The following MTUS1 variants were observed in gnomAD, a reference collection of about 807,000 sequenced individuals.
The protein encoded by MTUS1 is microtubule-associated tumor suppressor 1.
Under a neutral mutation model 120.8 loss-of-function variants are expected in MTUS1, and 109 were observed. The observed-to-expected ratio is 0.90, with a 90% CI of 0.77 to 1.06. The LOEUF is 1.06. MTUS1 is among the 50% of genes least tolerant of loss of function. The pLI is 0.00. For synonymous variants in MTUS1, 737 were observed against 550.5 expected (o/e 1.34, Z -4.74); for missense variants, 2,210 against 1,486.3 (o/e 1.49, Z -8.01).
At chr8:17,714,127 T>C (rs766374896) in intron 5 of MTUS1, among the ~76,000 whole-genome samples, 5 of 152,192 alleles carry the variant, frequency 3.3e-5, no homozygotes, top group Non-Finnish European at 7.3e-5. Context: ...TTTTCCAACC[T>C]GATGTCAACT....
At chr8:17,708,081 A>G (rs1820519653) in intron 6 of MTUS1, among the ~76,000 whole-genome samples, 1 of 152,258 alleles carries the variant, frequency 6.6e-6, no homozygotes, top group Admixed American at 6.5e-5. Flanking sequence ...CAAAAGCAGA[A>G]GCAACAAAAG....
At chr8:17,742,596 A>T (rs2047423309) in intron 3 of MTUS1, among the ~76,000 whole-genome samples, 1 of 151,528 alleles carries the variant, frequency 6.6e-6, no homozygotes, top group Non-Finnish European at 1.5e-5. Context: ...TGTGCTGCAA[A>T]CCCCTCTTCC....
intron 1 of MTUS1, among the ~76,000 whole-genome samples, chr8:17,798,837 C>A (rs2052461493): frequency 2.6e-5 from 4 of 152,090 alleles, no homozygotes; most frequent in Admixed American, 2.0e-4. Context: ...TACTATCAAT[C>A]CATAAAAGGC....
At chr8:17,746,258 C>T (rs1345246462) in intron 2 of MTUS1, among the ~76,000 whole-genome samples, 2 of 152,174 alleles carry the variant, frequency 1.3e-5, no homozygotes, top group Non-Finnish European at 2.9e-5. Flanking sequence ...ACTGGTACAT[C>T]CAAATCCACA....
At chr8:17,791,166 T>C (rs1481612794) in intron 1 of MTUS1, among the ~76,000 whole-genome samples, 1 of 152,154 alleles carries the variant, frequency 6.6e-6, no homozygotes, top group Non-Finnish European at 1.5e-5. Flanking sequence ...ACAAAACATT[T>C]ATCCAAATAG....
At chr8:17,714,197 T>C (rs1360904113) in intron 5 of MTUS1, among the ~76,000 whole-genome samples, 1 of 152,202 alleles carries the variant, frequency 6.6e-6, no homozygotes, top group African/African-American at 2.4e-5. Flanking sequence ...AATGACAACC[T>C]GCTGCACACT....
At chr8:17,668,217 G>A (rs1018227962) in intron 8 of MTUS1, among the ~76,000 whole-genome samples, 1 of 152,214 alleles carries the variant, frequency 6.6e-6, no homozygotes, top group African/African-American at 2.4e-5. Context: ...TGAGATGTGT[G>A]AATTTTTTTC....
chr8:17,776,722 C>T (rs991048145), intron 1 of MTUS1, among the ~76,000 whole-genome samples: 1 of 143,266 alleles, frequency 7.0e-6, no homozygotes, highest in Non-Finnish European at 1.5e-5. Context: ...AGATACAAGG[C>T]TTACATAAAG....
chr8:17,765,029 G>C (rs1457367621), intron 1 of MTUS1, among the ~76,000 whole-genome samples: 1 of 152,278 alleles, frequency 6.6e-6, no homozygotes, highest in East Asian at 1.9e-4. Context: ...CCTGTAAGTA[G>C]ACAGTCCCAT....
At chr8:17,712,135 A>G (rs548898180) in intron 6 of MTUS1, among the ~76,000 whole-genome samples, 1 of 152,362 alleles carries the variant, frequency 6.6e-6, no homozygotes, top group South Asian at 2.1e-4. Flanking sequence ...TGCTGTTGGA[A>G]AAATGATGCT....
At chr8:17,740,609 T>G (rs547814430) in intron 3 of MTUS1, among the ~76,000 whole-genome samples, 19 of 152,340 alleles carry the variant, frequency 1.2e-4, no homozygotes, top group Middle Eastern at 3.4e-3. Context: ...AAAAAATTAG[T>G]TGCTATTAAT....
At chr8:17,655,639 A>C (rs965400652) in intron 9 of MTUS1, among the ~76,000 whole-genome samples, 1 of 152,074 alleles carries the variant, frequency 6.6e-6, no homozygotes, top group Non-Finnish European at 1.5e-5. Context: ...AAGGAGAATC[A>C]CTTGAACCCG....
Position 17,647,093 on chromosome 8 carries a change from A to G in MTUS1, c.3502-14T>C. On this transcript the variant is annotated splice_polypyrimidine_tract_variant and intron_variant, in intron 13 of 14. Coordinates refer to ENST00000693296, the MANE Select transcript of MTUS1 (RefSeq NM_001363059.2). ...GTTGTTGTCCACCTTGGCATAAACA[A>G]GAATTCCAACATTTATACAATATTA... 4.4e-6 allele frequency: 7 copies of G among 1,604,470 alleles called. No individual in the cohort carries two copies. Among genetic ancestry groups the G allele is most frequent in the Non-Finnish European group, 6.0e-6 (7 of 1,172,486 alleles).
At chr8:17,738,596 T>G (rs965853266) in intron 3 of MTUS1, among the ~76,000 whole-genome samples, 4 of 152,188 alleles carry the variant, frequency 2.6e-5, no homozygotes, top group African/African-American at 9.7e-5. Flanking sequence ...GGGGTACATG[T>G]GCAGGCTGTG....
At chr8:17,702,025 T>A (rs1819199640) in intron 6 of MTUS1, among the ~76,000 whole-genome samples, 1 of 152,216 alleles carries the variant, frequency 6.6e-6, no homozygotes, top group South Asian at 2.1e-4. Flanking sequence ...CTTTAAAATG[T>A]CAACGAACTT....
In MTUS1 at chr8:17,675,266, ACAT is replaced by A. The variant is rs1053530598; in HGVS notation, c.2839-17_2839-15del. 1.2e-6 allele frequency: 2 copies of A among 1,613,420 alleles called. No homozygotes were observed. Among genetic ancestry groups the A allele is most frequent in the Non-Finnish European group, 1.7e-6 (2 of 1,179,422 alleles). ...TGCTTCCTCCCGCTGCGGAAAACACACATCAAGTTACTCATGCTTTCAAGAGGG... is the reference window on the plus strand; with the variant it reads ...TGCTTCCTCCCGCTGCGGAAAACACACAAGTTACTCATGCTTTCAAGAGGG... On this transcript the variant is annotated splice_polypyrimidine_tract_variant and intron_variant, in intron 7 of 14. Transcript: ENST00000693296.
chr8:17,799,719 C>A (rs2052528368), intron 1 of MTUS1, among the ~76,000 whole-genome samples: 2 of 152,020 alleles, frequency 1.3e-5, no homozygotes, highest in Non-Finnish European at 2.9e-5. Context: ...TTGTTCCAAG[C>A]ATGATTTTCT....
chr8:17,799,798 C>G (rs530333884), intron 1 of MTUS1, among the ~76,000 whole-genome samples: 1 of 152,100 alleles, frequency 6.6e-6, no homozygotes, highest in African/African-American at 2.4e-5. Context: ...GGTGAAAAAA[C>G]GTGGTGCAAG....
chr8:17,723,679 G>T lies in MTUS1; in HGVS notation c.2442C>A (p.Ser814Arg). The T allele has an allele frequency of 1.9e-6, 3 of 1,609,292 alleles. No homozygotes were observed. Among genetic ancestry groups the T allele is most frequent in the African/African-American group, 1.3e-5 (1 of 74,922 alleles). Residue 814 changes from serine to arginine, a missense_variant, in exon 4 of 15, where the codon AGC (serine) becomes AGA (arginine). Transcript: ENST00000693296. ...ASTHSELSTY[S>R]NNSGNAAVIK... ...GATATAAAGTCGACTTACAATTGTT[G>T]CTGTAAGTGCTCAGCTCACTGTGGG...
Sources: gnomAD v4.1 joint callset for allele counts (sites outside exome capture counted in the v4.1 genomes callset) on GRCh38, gnomAD v4.1.1 for gene constraint, MANE v1.5 for transcripts, NCBI Gene and HGNC (gene_info 2026-07-23, HGNC 2026-07-21) for gene names.